SEC16A: variants seen among roughly 807,000 people sequenced by gnomAD.
SEC16A encodes protein transport protein Sec16A.
SEC16A carries 110 observed loss-of-function variants against 221.9 expected under a neutral mutation model. That is an observed-to-expected ratio of 0.50 (90% CI 0.42 to 0.58). The LOEUF is 0.58. Ranked by LOEUF, SEC16A falls within the 20% of genes least tolerant of loss-of-function variation. The pLI is 0.00. For synonymous variants in SEC16A, 1,393 were observed against 1,257.7 expected, an observed-to-expected ratio of 1.11 and a Z score of -2.28; for missense variants, 3,165 against 3,097.8, an observed-to-expected ratio of 1.02 and a Z score of -0.52.
chr9:136,483,403 G>C, upstream of SEC16A: 1 of 599,814 alleles, frequency 1.7e-6, no homozygotes, highest in African/African-American at 2.7e-5. Flanking sequence ...CCCGTCGTCC[G>C]TCTTTCTCCG....
chr9:136,447,077 C>CA lies in SEC16A; in HGVS notation c.6698-129dup, dbSNP rs3841203. 1,991 of 1,428,118 alleles carry CA rather than the reference C, an allele frequency of 1.4e-3. No individual in the cohort carries two copies. Among genetic ancestry groups the CA allele is most frequent in the African/African-American group, 3.2e-3 (217 of 68,752 alleles). The allele number at this position is 1,428,118 out of a possible 1,614,324, so 88.5% of individuals were successfully genotyped here. On this transcript the variant is annotated intron_variant, in intron 27 of 31. Transcript: ENST00000684901. This position sits in a 1 kb window ranked among gnomAD's most constrained non-coding sequence, Gnocchi z 5.5. ...CACACTCATGCAGAAACAGGCAAATCAAAAAAAAAACCACAAACCAACCCC... is the reference window on the plus strand; with the variant it reads ...CACACTCATGCAGAAACAGGCAAATCAAAAAAAAAAACCACAAACCAACCCC...
At chr9:136,455,435 G>T (rs1384770610) in intron 20 of SEC16A, among the ~76,000 whole-genome samples, 166 bp downstream of exon 20, 1 of 152,206 alleles carries the variant, frequency 6.6e-6, no homozygotes, top group Non-Finnish European at 1.5e-5. Context: ...ATGAAGGGAA[G>T]AGGGAGGAGA....
At chr9:136,479,375 C>T (rs1842034897) in intron 1 of SEC16A, among the ~76,000 whole-genome samples, 1 of 151,528 alleles carries the variant, frequency 6.6e-6, no homozygotes, top group African/African-American at 2.4e-5. Context: ...TTTTTTGAGA[C>T]GGAGTCTTGC....
rs529623882 is a variant in SEC16A, at chr9:136,478,826, G to T, written c.-187C>A. Among the ~76,000 whole-genome samples the T allele has an allele frequency of 6.6e-6, 1 of 151,952 alleles. No individual in the cohort carries two copies. The highest frequency in any genetic ancestry group is 1.5e-5 in the Non-Finnish European group (1 of 68,000). On this transcript the variant is annotated 5_prime_UTR_variant, in exon 2 of 32. Coordinates refer to ENST00000684901, the MANE Select transcript of SEC16A (RefSeq NM_014866.2). Reference sequence around the variant, plus strand: ...TCCAGCCTGGGCAACAGAGCAAGACGGTCTCTATTTTAAAAAAATAAATAA... The same window carrying T: ...TCCAGCCTGGGCAACAGAGCAAGACTGTCTCTATTTTAAAAAAATAAATAA...
intron 20 of SEC16A, among the ~76,000 whole-genome samples, chr9:136,454,817 G>A (rs867341315): frequency 5.3e-5 from 8 of 152,374 alleles, no homozygotes; most frequent in African/African-American, 1.9e-4. Flanking sequence ...AACTGAGTAA[G>A]AGAAAGCGCT....
chr9:136,477,382 C>A lies in SEC16A; in HGVS notation c.234G>T (p.Leu78Phe). 1 of 1,613,984 alleles carries A rather than the reference C, an allele frequency of 6.2e-7. No homozygotes were observed. The highest frequency in any genetic ancestry group is 8.5e-7 in the Non-Finnish European group (1 of 1,179,874). ...AAAACCCTGCGGGGGCTGGGCCTTG[C>A]AAGACAGGTGGACTGCTTTTGGACG... is the stretch of plus-strand genomic sequence containing the variant. ...GSSSKSSPPVLQGPAPAGFSQ... is the reference protein window; with the variant it reads ...GSSSKSSPPVFQGPAPAGFSQ... The change falls in exon 3 of 32, where the codon TTG (leucine) becomes TTT (phenylalanine). Residue 78 changes from leucine to phenylalanine, a missense_variant. By Grantham distance (22) the Leu-to-Phe change is conservative. This residue lies in a region of SEC16A where 2,030 missense variants were observed against 1,923.1 expected (regional missense o/e 1.06). Coordinates refer to ENST00000684901, the MANE Select transcript of SEC16A (RefSeq NM_014866.2).
rs899582699 is a variant in SEC16A at position 136,441,424 on chromosome 9, T to C, written c.*331A>G. 7 of 333,340 alleles carry C rather than the reference T, an allele frequency of 2.1e-5. No individual in the cohort carries two copies. Among genetic ancestry groups the C allele is most frequent in the Admixed American group, 8.0e-5 (2 of 25,052 alleles). The allele number at this position is 333,340 out of a possible 1,614,324, so 20.6% of individuals were successfully genotyped here. ...GTGGCTCTCCTGTGGCAGAGACAGC[T>C]CCGGCTTCAATGAATGAACATTCTT... is the stretch of plus-strand genomic sequence containing the variant. On this transcript the variant is annotated 3_prime_UTR_variant, in exon 32 of 32. Transcript: ENST00000684901.
Position 136,459,148 on chromosome 9 carries a change from G to A in SEC16A, c.5395C>T (p.Leu1799=), listed in dbSNP as rs536984791. ...CACCTGCTTACCTGGAAACTAGGCA[G>A]GGGGCAGGTCTCGGCACCCAGGGAC... The part of the protein sequence containing the change: ...AQSLGAETCP[L]PSFQVFKFIY... The change falls in exon 17 of 32, where the codon CTG becomes TTG. Residue 1799 remains leucine (L), a synonymous_variant. Coordinates refer to ENST00000684901, the MANE Select transcript of SEC16A (RefSeq NM_014866.2). This position sits in a 1 kb window ranked among gnomAD's most constrained non-coding sequence, Gnocchi z 6.1. The A allele has an allele frequency of 1.9e-6, 3 of 1,609,854 alleles. No homozygotes were observed. The highest frequency in any genetic ancestry group is 1.7e-6 in the Non-Finnish European group (2 of 1,177,270).
rs952626892 is a variant in SEC16A at position 136,447,431 on chromosome 9, C to T, written c.6560-67G>A. 11 of 1,574,092 alleles carry T rather than the reference C, an allele frequency of 7.0e-6. No individual in the cohort carries two copies. Among genetic ancestry groups the T allele is most frequent in the South Asian group, 2.3e-5 (2 of 86,086 alleles). On this transcript the variant is annotated intron_variant, in intron 26 of 31. Coordinates refer to ENST00000684901, the MANE Select transcript of SEC16A (RefSeq NM_014866.2). The surrounding 1 kb of genome is among the most constrained non-coding windows in gnomAD (Gnocchi z 5.5). ...TGGCCTCCAGCTTCCAAATGCTCTG[C>T]GCTCACTGCGTCAGAGGAAAAGCAC...
rs377021303 is a variant in SEC16A at position 136,470,366 on chromosome 9, C to T, written c.3704+1609G>A. Among the ~76,000 whole-genome samples, 14 of 152,322 alleles carry T rather than the reference C, an allele frequency of 9.2e-5. No homozygotes were observed. In the East Asian group the frequency reaches 2.7e-3, roughly 29 times the overall value. On this transcript the variant is annotated intron_variant, in intron 4 of 31. Transcript: ENST00000684901. ...AGAATCGGTTCCTAGGTGAGCCTGGCAGGGCGGCCAGCAGCAGAAGGAAAA... is the reference window on the plus strand; with the variant it reads ...AGAATCGGTTCCTAGGTGAGCCTGGTAGGGCGGCCAGCAGCAGAAGGAAAA...
chr9:136,463,158 G>A (rs778156226), intron 11 of SEC16A, 26 bp from the exon 12 acceptor site: 2 of 1,603,692 alleles, frequency 1.2e-6, no homozygotes, highest in Non-Finnish European at 1.7e-6. Context: ...GGAACAGGAA[G>A]GAGAACAACG....
Position 136,441,694 on chromosome 9 carries a change from G to T in SEC16A, c.*61C>A. The T allele has an allele frequency of 6.6e-7, 1 of 1,505,468 alleles. No homozygotes were observed. Among genetic ancestry groups the T allele is most frequent in the Non-Finnish European group, 9.2e-7 (1 of 1,083,396 alleles). 93.3% of individuals were successfully genotyped at this position (1,505,468 alleles called of 1,614,324 possible). ...GGGACGGAGATCGCGGAGGTCGGTC[G>T]GGTTCTTCGGGGAGAACAGCAGCGT... On this transcript the variant is annotated 3_prime_UTR_variant, in exon 32 of 32. Coordinates refer to ENST00000684901, the MANE Select transcript of SEC16A (RefSeq NM_014866.2).
chr9:136,452,505 C>A (rs1304793696), intron 22 of SEC16A, among the ~76,000 whole-genome samples: 1 of 143,240 alleles, frequency 7.0e-6, no homozygotes, highest in Non-Finnish European at 1.5e-5. Flanking sequence ...GTGGTTCACA[C>A]CTTAATCCCA....
intron 13 of SEC16A, 121 bp downstream of exon 13, chr9:136,461,056 G>A (rs561460263): frequency 2.1e-5 from 16 of 746,404 alleles, no homozygotes; most frequent in East Asian, 1.4e-4. Context: ...GCCCGAGTTC[G>A]TGTGGGAGCA....
Position 136,476,893 on chromosome 9 carries a change from C to A in SEC16A, c.723G>T (p.Val241=), listed in dbSNP as rs929918586. 1.9e-6 allele frequency: 3 copies of A among 1,611,550 alleles called. No individual in the cohort carries two copies. The highest frequency in any genetic ancestry group is 2.5e-6 in the Non-Finnish European group (3 of 1,179,538). Reference sequence around the variant, plus strand: ...AATGAGGAACGCTGGTGGCACAGGGCACCCCGCTGGGAACAGGTCCTTCAG... The same window carrying A: ...AATGAGGAACGCTGGTGGCACAGGGAACCCCGCTGGGAACAGGTCCTTCAG... ...PCPEGPVPSG[V]PCATSVPHFP... The change falls in exon 3 of 32, where the codon GTG becomes GTT. Residue 241 remains valine (V), a synonymous_variant. Coordinates refer to ENST00000684901, the MANE Select transcript of SEC16A (RefSeq NM_014866.2).
upstream of SEC16A, chr9:136,484,500 G>A (rs1195324274): frequency 1.6e-6 from 2 of 1,230,998 alleles, no homozygotes. Context: ...GGGAAGAGCC[G>A]CGGCCTTCCT....
intron 1 of SEC16A, among the ~76,000 whole-genome samples, chr9:136,480,446 A>G (rs914953885): frequency 6.6e-6 from 1 of 152,174 alleles, no homozygotes; most frequent in African/African-American, 2.4e-5. Flanking sequence ...TGTCCAGGTG[A>G]GTGGCTCGAG....
intron 22 of SEC16A, among the ~76,000 whole-genome samples, chr9:136,452,182 C>T (rs778579542): frequency 6.6e-6 from 1 of 151,900 alleles, no homozygotes; most frequent in African/African-American, 2.4e-5. Context: ...GGCGGGGTGG[C>T]TCATGCCTGT....
At chr9:136,462,764 C>T in intron 12 of SEC16A, 123 bp downstream of exon 12, 1 of 1,099,462 alleles carries the variant, frequency 9.1e-7, no homozygotes, top group Non-Finnish European at 1.3e-6. Flanking sequence ...GACCCGAAGC[C>T]CCACACTGCA....
Sources: allele counts gnomAD v4.1 joint callset (sites outside exome capture counted in the v4.1 genomes callset), GRCh38; gene constraint gnomAD v4.1.1; regional missense constraint gnomAD v4.1.1; non-coding constraint Gnocchi (gnomAD v3.1); transcripts MANE v1.5; gene names NCBI Gene and HGNC (gene_info 2026-07-23, HGNC 2026-07-21).